The following ASTN2 variants were observed in gnomAD, a reference collection of about 807,000 sequenced individuals.
The protein encoded by ASTN2 is astrotactin 2.
Under a neutral mutation model 139.8 loss-of-function variants are expected in ASTN2, and 54 were observed. The ratio of observed to expected loss-of-function variants is 0.39; its 90% confidence interval spans 0.31 to 0.48. The LOEUF (loss-of-function observed/expected upper bound fraction) is 0.48. Among genes scored for constraint, ASTN2 ranks in the 20% least tolerant of loss-of-function variants. ASTN2 has a pLI of 0.95. For missense variants in ASTN2, 1,565 were observed against 1,725.1 expected, an observed-to-expected ratio of 0.91 and a Z score of 1.64; for synonymous variants, 756 against 719.5, an observed-to-expected ratio of 1.05 and a Z score of -0.81.
At chr9:117,361,473 C>T (rs1378871806) in intron 1 of ASTN2, among the ~76,000 whole-genome samples, 1 of 152,178 alleles carries the variant, frequency 6.6e-6, no homozygotes, top group African/African-American at 2.4e-5. Flanking sequence ...AAGATACCAT[C>T]ACCACCTCAG....
At position 117,275,790 on chromosome 9, in the gene ASTN2, G is replaced by A. The variant is rs376900988; in HGVS notation, c.630+15536C>T. Among the ~76,000 whole-genome samples the A allele has an allele frequency of 1.3e-4, 20 of 152,014 alleles. No homozygotes were observed. The East Asian group carries it at 2.3e-3, about 18-fold the overall frequency. The stretch of plus-strand genomic sequence containing the variant: ...CATGTTGACCAGGCTGTTCTCACTC[G>A]AACTCTTATCCTCAAGTAATTCGCC... On this transcript the variant is annotated intron_variant, in intron 2 of 22. Coordinates refer to ENST00000313400, the MANE Select transcript of ASTN2 (RefSeq NM_001365068.1).
At chr9:116,565,410 T>TAAAAAA (rs1564120481) in intron 19 of ASTN2, among the ~76,000 whole-genome samples, 2 of 124,246 alleles carry the variant, frequency 1.6e-5, no homozygotes, top group Admixed American at 8.2e-5. Context: ...TATATATATA[T>TAAAAAA]ATATATATAT....
intron 19 of ASTN2, among the ~76,000 whole-genome samples, chr9:116,553,420 C>T (rs1039016761): frequency 2.0e-5 from 3 of 152,180 alleles, no homozygotes; most frequent in African/African-American, 7.2e-5. Flanking sequence ...TTCTGAACTT[C>T]AATTTCCCTT....
intron 17 of ASTN2, among the ~76,000 whole-genome samples, chr9:116,634,821 GC>G (rs1009996753): frequency 5.9e-5 from 9 of 152,058 alleles, no homozygotes; most frequent in Admixed American, 2.0e-4. Context: ...TGAACTGATT[GC>G]CCTTTTAATT....
intron 3 of ASTN2, among the ~76,000 whole-genome samples, chr9:117,194,086 A>C (rs1051262109): frequency 1.3e-5 from 2 of 152,228 alleles, no homozygotes; most frequent in Non-Finnish European, 2.9e-5. Context: ...GCAAATGTGG[A>C]AATGATGGGC....
At chr9:117,070,920 T>C (rs1828103107) in intron 5 of ASTN2, among the ~76,000 whole-genome samples, 1 of 147,166 alleles carries the variant, frequency 6.8e-6, no homozygotes. Flanking sequence ...TCTAAATTTT[T>C]TTCAAAGTTT....
At chr9:116,459,342 T>C (rs1848419346) in intron 20 of ASTN2, among the ~76,000 whole-genome samples, 1 of 152,030 alleles carries the variant, frequency 6.6e-6, no homozygotes, top group Non-Finnish European at 1.5e-5. Context: ...CTTTAAGACC[T>C]TGGATTAGGC....
chr9:117,254,853 C>T (rs1018042547), intron 2 of ASTN2, among the ~76,000 whole-genome samples: 1 of 152,210 alleles, frequency 6.6e-6, no homozygotes, highest in East Asian at 1.9e-4. Context: ...TGTTCCTTTC[C>T]ATTCCATTCT....
intron 17 of ASTN2, among the ~76,000 whole-genome samples, chr9:116,645,081 C>T (rs771421569): frequency 1.3e-5 from 2 of 152,188 alleles, no homozygotes; most frequent in Non-Finnish European, 2.9e-5. Flanking sequence ...AGATTGCCTA[C>T]TTTACAAATA....
intron 2 of ASTN2, among the ~76,000 whole-genome samples, chr9:117,220,117 C>A (rs2133034992): frequency 6.6e-6 from 1 of 152,286 alleles, no homozygotes; most frequent in East Asian, 1.9e-4. Flanking sequence ...CCACAAAAGT[C>A]AACAAATACT....
chr9:117,149,266 C>G (rs568042123), intron 3 of ASTN2, among the ~76,000 whole-genome samples: 10 of 152,236 alleles, frequency 6.6e-5, no homozygotes, highest in Admixed American at 6.5e-4. Context: ...GATCCACCTG[C>G]CTCAGCCTCT....
intron 16 of ASTN2, among the ~76,000 whole-genome samples, chr9:116,703,596 G>A (rs1827909522): frequency 6.6e-6 from 1 of 151,342 alleles, no homozygotes; most frequent in South Asian, 2.1e-4. Context: ...GGAGTGGGGA[G>A]GGGTAGCATT....
At chr9:117,129,177 A>G (rs2132833376) in intron 4 of ASTN2, among the ~76,000 whole-genome samples, 1 of 152,334 alleles carries the variant, frequency 6.6e-6, no homozygotes, top group African/African-American at 2.4e-5. Context: ...TATGAGATAT[A>G]TGGATTGAAG....
chr9:117,153,338 T>G (rs1830364111), intron 3 of ASTN2, among the ~76,000 whole-genome samples: 1 of 152,112 alleles, frequency 6.6e-6, no homozygotes, highest in Non-Finnish European at 1.5e-5. Context: ...AATCTGTAAA[T>G]GATGAGCAAT....
intron 10 of ASTN2, among the ~76,000 whole-genome samples, chr9:116,916,668 C>T (rs546231783): frequency 2.6e-5 from 4 of 151,962 alleles, no homozygotes; most frequent in South Asian, 4.2e-4. Flanking sequence ...AAGTGAGACC[C>T]GTCTCTACAA....
chr9:117,176,835 G>C (rs1480190426), intron 3 of ASTN2, among the ~76,000 whole-genome samples: 1 of 152,140 alleles, frequency 6.6e-6, no homozygotes, highest in Non-Finnish European at 1.5e-5. Context: ...GAGAGACTGA[G>C]GTAGGAGATT....
At chr9:117,278,639 T>A (rs7875463) in intron 2 of ASTN2, among the ~76,000 whole-genome samples, 9,996 of 152,190 alleles carry the variant, frequency 0.066, 382 homozygotes, top group South Asian at 0.14. Flanking sequence ...TAATGTTATG[T>A]CTCATCAGGG....
At chr9:116,863,871 G>A in intron 10 of ASTN2, 138 bp from the exon 11 acceptor site, 1 of 1,003,328 alleles carries the variant, frequency 1.0e-6, no homozygotes, top group Non-Finnish European at 1.4e-6. Flanking sequence ...ATTATAAAAA[G>A]GAAACAACAA....
intron 1 of ASTN2, among the ~76,000 whole-genome samples, chr9:117,324,063 T>G (rs1444293013): frequency 6.6e-6 from 1 of 151,854 alleles, no homozygotes. Context: ...CATAATCCCA[T>G]GTGAAAAAAA....
Sources: allele counts gnomAD v4.1 joint callset (sites outside exome capture counted in the v4.1 genomes callset), GRCh38; gene constraint gnomAD v4.1.1; transcripts MANE v1.5; gene names NCBI Gene and HGNC (gene_info 2026-07-23, HGNC 2026-07-21).